Variants in ANKHD1 observed in about 807,000 individuals in gnomAD.
ANKHD1 encodes the protein ankyrin repeat and KH domain containing 1.
In ANKHD1, 31 loss-of-function variants were observed where a neutral mutation model predicts 230.5. The ratio of observed to expected loss-of-function variants is 0.13; its 90% confidence interval spans 0.10 to 0.18. The LOEUF is 0.18. Among genes scored for constraint, ANKHD1 ranks in the 10% least tolerant of loss-of-function variants. The pLI is 1.00. For synonymous variants in ANKHD1, 1,074 were observed against 1,117.6 expected (o/e 0.96, Z 0.78); for missense variants, 2,256 against 3,071.3 (o/e 0.73, Z 6.27).
intron 1 of ANKHD1, among the ~76,000 whole-genome samples, chr5:140,407,796 G>C (rs1310304903): frequency 6.6e-6 from 1 of 151,988 alleles, no homozygotes; most frequent in Non-Finnish European, 1.5e-5. Context: ...GTGAGACATG[G>C]TTTTCAATTT....
intron 30 of ANKHD1, among the ~76,000 whole-genome samples, chr5:140,536,539 G>C (rs1754085487): frequency 6.6e-6 from 1 of 152,106 alleles, no homozygotes; most frequent in African/African-American, 2.4e-5. Context: ...AATCACCCAA[G>C]AGTTCCATTA....
intron 15 of ANKHD1, among the ~76,000 whole-genome samples, chr5:140,497,877 CCACACACACA>C (rs36224738): frequency 0.38 from 55,060 of 144,512 alleles, 10,610 homozygotes; most frequent in Middle Eastern, 0.48. Flanking sequence ...CCACACCACA[CCACACACACA>C]CACACACACA....
At chr5:140,481,361 A>C (rs2127012500) in intron 10 of ANKHD1, among the ~76,000 whole-genome samples, 1 of 152,234 alleles carries the variant, frequency 6.6e-6, no homozygotes, top group Admixed American at 6.5e-5. Context: ...CATTATCTAT[A>C]GTTATTCATT....
intron 9 of ANKHD1, among the ~76,000 whole-genome samples, chr5:140,463,258 G>C (rs570566915): frequency 6.6e-6 from 1 of 152,110 alleles, no homozygotes; most frequent in Non-Finnish European, 1.5e-5. Context: ...ATTGTCAGAA[G>C]ATGGGACAGT....
At chr5:140,491,731 A>G (rs1426521042) in intron 14 of ANKHD1, among the ~76,000 whole-genome samples, 1 of 152,156 alleles carries the variant, frequency 6.6e-6, no homozygotes, top group African/African-American at 2.4e-5. Context: ...TTATGGATCT[A>G]TATAAGAATT....
chr5:140,461,890 T>C (rs918609516), intron 9 of ANKHD1, among the ~76,000 whole-genome samples: 1 of 152,174 alleles, frequency 6.6e-6, no homozygotes, highest in Non-Finnish European at 1.5e-5. Flanking sequence ...TGTATGTGTT[T>C]AGTGACTTTT....
intron 15 of ANKHD1, among the ~76,000 whole-genome samples, chr5:140,502,061 C>T (rs1011564938): frequency 6.7e-6 from 1 of 149,950 alleles, no homozygotes; most frequent in African/African-American, 2.5e-5. Context: ...AAAAAGCATA[C>T]CGTATAAGTT....
At chr5:140,470,611 C>CT (rs386405120) in intron 10 of ANKHD1, among the ~76,000 whole-genome samples, 18,698 of 71,718 alleles carry the variant, frequency 0.26, 3,861 homozygotes, top group East Asian at 0.45. Flanking sequence ...CTTGTTTCTG[C>CT]TTTTTTTTTT....
At position 140,458,945 on chromosome 5, in the gene ANKHD1, CATATATATATAT is replaced by C. The variant is rs540544442; in HGVS notation, c.1480+106_1480+117del. Reference sequence around the variant, plus strand: ...TACTGGTGAAGTTTACTACAGCTAGCATATATATATATATATATATATATATATATATATGCA... The same window carrying C: ...TACTGGTGAAGTTTACTACAGCTAGCATATATATATATATATATATATGCA... On this transcript the variant is annotated intron_variant, in intron 8 of 33. Transcript: ENST00000360839. 9.3e-3 allele frequency: 775 copies of C among 83,722 alleles called. 21 individuals carry two copies. The highest frequency in any genetic ancestry group is 0.042 in the African/African-American group (727 of 17,118). The allele number at this position is 83,722 out of a possible 1,614,324, so 5.2% of individuals were successfully genotyped here.
At chr5:140,427,119 G>A (rs1468131117) in intron 1 of ANKHD1, among the ~76,000 whole-genome samples, 11 of 150,404 alleles carry the variant, frequency 7.3e-5, no homozygotes, top group Non-Finnish European at 1.3e-4. Flanking sequence ...CTCACTTCCC[G>A]GACGGGGCGG....
chr5:140,505,652 G>A, intron 17 of ANKHD1, 72 bp from the exon 18 acceptor site: 4 of 1,514,756 alleles, frequency 2.6e-6, no homozygotes, highest in Non-Finnish European at 3.5e-6. Context: ...AAATACTAGA[G>A]AATTGTAAAC....
intron 32 of ANKHD1, 145 bp downstream of exon 32, chr5:140,538,406 G>A: frequency 7.3e-7 from 1 of 1,361,312 alleles, no homozygotes; most frequent in South Asian, 1.5e-5. Flanking sequence ...AGTGCACAGA[G>A]TTGTCCACAG....
At chr5:140,404,370 A>G (rs988053763) in intron 1 of ANKHD1, among the ~76,000 whole-genome samples, 1 of 152,146 alleles carries the variant, frequency 6.6e-6, no homozygotes, top group Non-Finnish European at 1.5e-5. Context: ...CCATTTTTAC[A>G]TAATTGTCAT....
intron 14 of ANKHD1, among the ~76,000 whole-genome samples, chr5:140,493,180 G>A (rs1489800120): frequency 6.6e-6 from 1 of 152,204 alleles, no homozygotes; most frequent in Admixed American, 6.5e-5. Flanking sequence ...TCTTGCTTCA[G>A]CCTTCTGAGT....
At position 140,436,176 on chromosome 5, in the gene ANKHD1, T is replaced by C. The variant is rs192080895; in HGVS notation, c.379T>C (p.Ser127Pro). 5.5e-5 allele frequency: 89 copies of C among 1,610,964 alleles called. No homozygotes were observed. The East Asian group carries it at 1.9e-3, about 34-fold the overall frequency. The stretch of plus-strand genomic sequence containing the variant: ...TAAAACAACATCAGAGATATTCTTA[T>C]CAAGTACTGCAGAAGGAGCAGACTT... ...VLKTTSEIFL[S>P]STAEGADLRT... The change falls in exon 2 of 34, where the codon TCA (serine) becomes CCA (proline). Residue 127 changes from serine to proline, a missense_variant. Ser to Pro is a moderately conservative substitution (Grantham distance 74). Coordinates refer to ENST00000360839, the MANE Select transcript of ANKHD1 (RefSeq NM_017747.3).
At chr5:140,523,087 T>A (rs966248473) in intron 24 of ANKHD1, among the ~76,000 whole-genome samples, 22 of 150,986 alleles carry the variant, frequency 1.5e-4, no homozygotes, top group African/African-American at 2.7e-4. Context: ...TTTTTTTTTT[T>A]AATTAATTTT....
intron 1 of ANKHD1, among the ~76,000 whole-genome samples, chr5:140,419,758 C>T (rs1048315132): frequency 1.3e-5 from 2 of 150,084 alleles, no homozygotes; most frequent in Admixed American, 6.7e-5. Context: ...TTTCTTTTCT[C>T]TTCTCTTTCC....
At chr5:140,407,577 TAA>T (rs113562738) in intron 1 of ANKHD1, among the ~76,000 whole-genome samples, 2 of 143,616 alleles carry the variant, frequency 1.4e-5, no homozygotes, top group African/African-American at 2.5e-5. Context: ...CCACCTGATT[TAA>T]AAAAAAAAAA....
chr5:140,509,001 CG>C (rs566983914), intron 20 of ANKHD1, among the ~76,000 whole-genome samples: 15 of 152,192 alleles, frequency 9.9e-5, no homozygotes, highest in African/African-American at 3.6e-4. Flanking sequence ...CTGGAAATCT[CG>C]TACTTCTTCC....
Sources: allele counts gnomAD v4.1 joint callset (sites outside exome capture counted in the v4.1 genomes callset), GRCh38; gene constraint gnomAD v4.1.1; transcripts MANE v1.5; gene names NCBI Gene and HGNC (gene_info 2026-07-23, HGNC 2026-07-21).